LAMA3: variants seen among roughly 807,000 people sequenced by gnomAD.
LAMA3 encodes the protein laminin subunit alpha 3, also known as laminin subunit alpha-3.
LAMA3 carries 281 observed loss-of-function variants against 402.0 expected under a neutral mutation model. That is an observed-to-expected ratio of 0.70 (90% CI 0.63 to 0.77). The LOEUF is 0.77. LAMA3 is among the 30% of genes least tolerant of loss of function. LAMA3 has a pLI of 0.00. For synonymous variants in LAMA3, 1,431 were observed against 1,558.4 expected, an observed-to-expected ratio of 0.92 and a Z score of 1.93; for missense variants, 3,840 against 4,215.5, an observed-to-expected ratio of 0.91 and a Z score of 2.47.
chr18:23,938,923 G>A (rs2082397242), intron 67 of LAMA3, among the ~76,000 whole-genome samples: 1 of 152,128 alleles, frequency 6.6e-6, no homozygotes, highest in Non-Finnish European at 1.5e-5. Flanking sequence ...CTTCCTGGTG[G>A]CAAAATGCTC....
intron 70 of LAMA3, among the ~76,000 whole-genome samples, 179 bp from the exon 71 acceptor site, chr18:23,949,586 G>C (rs1268629795): frequency 6.6e-6 from 1 of 152,146 alleles, no homozygotes; most frequent in Non-Finnish European, 1.5e-5. Flanking sequence ...TCTGGGCAGA[G>C]AGCCAAATAG....
chr18:23,789,903 A>G (rs2062618029), intron 12 of LAMA3, among the ~76,000 whole-genome samples: 1 of 152,210 alleles, frequency 6.6e-6, no homozygotes, highest in Admixed American at 6.5e-5. Flanking sequence ...AAGAAGGGTT[A>G]TTCCTCCCCA....
At chr18:23,761,019 G>T (rs1041312623) in intron 7 of LAMA3, among the ~76,000 whole-genome samples, 3 of 152,120 alleles carry the variant, frequency 2.0e-5, no homozygotes, top group African/African-American at 7.2e-5. Flanking sequence ...CAAGCGTTCG[G>T]ACCATAGCAG....
chr18:23,709,665 C>A (rs891989244), intron 1 of LAMA3, among the ~76,000 whole-genome samples: 9 of 152,078 alleles, frequency 5.9e-5, no homozygotes, highest in African/African-American at 1.9e-4. Context: ...AATAAAGTGG[C>A]CTGTCCCAGT....
At chr18:23,751,111 T>A in intron 5 of LAMA3, 23 bp downstream of exon 5, 1 of 1,613,854 alleles carries the variant, frequency 6.2e-7, no homozygotes. Context: ...AGCATTTGTT[T>A]TGTTACTTTA....
chr18:23,696,805 A>G (rs867096667), intron 1 of LAMA3, among the ~76,000 whole-genome samples: 1 of 152,292 alleles, frequency 6.6e-6, no homozygotes, highest in Middle Eastern at 3.4e-3. Flanking sequence ...CTGATAGATG[A>G]ACTCTTTATT....
rs183887514 is a variant in LAMA3, at chr18:23,954,768, G to C, written c.*120G>C. 3 of 1,091,568 alleles carry C rather than the reference G, an allele frequency of 2.7e-6. No individual in the cohort carries two copies. The highest frequency in any genetic ancestry group is 3.5e-5 in the Admixed American group (2 of 57,470). 67.6% of individuals were successfully genotyped at this position (1,091,568 alleles called of 1,614,324 possible). ...ACACAAACCAGACAGGTTTAATAGC[G>C]AATCTAATTTTGAATTCTGACCATG... is the stretch of plus-strand genomic sequence containing the variant. On this transcript the variant is annotated 3_prime_UTR_variant, in exon 75 of 75. Transcript: ENST00000313654.
At chr18:23,716,438 C>T (rs1305771115) in intron 2 of LAMA3, among the ~76,000 whole-genome samples, 3 of 152,188 alleles carry the variant, frequency 2.0e-5, no homozygotes, top group African/African-American at 7.2e-5. Context: ...AGATTACAGG[C>T]GTAAGCCACC....
chr18:23,905,527 G>T lies in LAMA3; in HGVS notation c.6621G>T (p.Val2207=). ...ASASESALQT[V]IKEDLPRKAK... ...GTTAAATGCTTTGCTTTCAGACAGT[G>T]ATAAAGGAAGATCTGCCAAGAAAAG... Residue 2207 remains valine (V), a synonymous_variant, in exon 52 of 75, where the codon GTG becomes GTT. Coordinates refer to ENST00000313654, the MANE Select transcript of LAMA3 (RefSeq NM_198129.4). 1 of 1,586,696 alleles carries T rather than the reference G, an allele frequency of 6.3e-7. No individual in the cohort carries two copies. The highest frequency in any genetic ancestry group is 1.1e-5 in the South Asian group (1 of 90,414).
At chr18:23,778,130 G>C (rs867941816) in intron 11 of LAMA3, among the ~76,000 whole-genome samples, 37 of 152,216 alleles carry the variant, frequency 2.4e-4, no homozygotes, top group Middle Eastern at 3.2e-3. Context: ...AGCTTCTGCA[G>C]TCCCAAAACA....
chr18:23,874,699 C>T (rs949482033), intron 38 of LAMA3, among the ~76,000 whole-genome samples: 20 of 152,222 alleles, frequency 1.3e-4, no homozygotes, highest in African/African-American at 4.8e-4. Flanking sequence ...AATGGACTGT[C>T]TACTTCAAGA....
At chr18:23,789,097 A>C (rs2144059871) in intron 12 of LAMA3, among the ~76,000 whole-genome samples, 1 of 152,266 alleles carries the variant, frequency 6.6e-6, no homozygotes, top group South Asian at 2.1e-4. Flanking sequence ...GCTCAACATT[A>C]CCAGTCATTT....
At position 23,861,724 on chromosome 18, in the gene LAMA3, A is replaced by G. The variant is rs752328570; in HGVS notation, c.4501A>G (p.Ser1501Gly). The G allele has an allele frequency of 8.7e-6, 14 of 1,614,070 alleles. No homozygotes were observed. Among genetic ancestry groups the G allele is most frequent in the African/African-American group, 5.3e-5 (4 of 74,936 alleles). ...IPVSFNPGSN[S>G]MVADLQELPA... ...TGTCTCTTTCAACCCAGGCAGCAACAGTATGGTGGCGGATCTCCAGGAGCT... is the reference window on the plus strand; with the variant it reads ...TGTCTCTTTCAACCCAGGCAGCAACGGTATGGTGGCGGATCTCCAGGAGCT... The change falls in exon 35 of 75, where the codon AGT becomes GGT. Residue 1501 changes from serine (S) to glycine (G), a missense_variant. Transcript: ENST00000313654.
At chr18:23,922,950 A>G (rs765846324) in intron 62 of LAMA3, among the ~76,000 whole-genome samples, 7 of 152,208 alleles carry the variant, frequency 4.6e-5, no homozygotes, top group Non-Finnish European at 7.4e-5. Context: ...ACAGGAGAAC[A>G]TGACGTGTGC....
chr18:23,953,052 C>A lies in LAMA3; in HGVS notation c.9799C>A (p.Gln3267Lys). The change falls in exon 74 of 75, where the codon CAG becomes AAG. Residue 3267 changes from glutamine to lysine, a missense_variant. Physicochemically the swap from Gln to Lys is moderately conservative, Grantham distance 53. Around this residue, in one of 3 missense-constraint regions of LAMA3, gnomAD observed 840 missense variants for 981.9 expected, o/e 0.86. Coordinates refer to ENST00000313654, the MANE Select transcript of LAMA3 (RefSeq NM_198129.4). The stretch of plus-strand genomic sequence containing the variant: ...CACAGACAGTAGCTACACAGCTGGA[C>A]AGATCCCCTTCCCACCTGCCAGCAC... The part of the protein sequence containing the change: ...LDTDSSYTAG[Q>K]IPFPPASTQE... 6.2e-7 allele frequency: 1 copy of A among 1,614,202 alleles called. No homozygotes were observed. Among genetic ancestry groups the A allele is most frequent in the South Asian group, 1.1e-5 (1 of 91,080 alleles).
chr18:23,857,986 A>C lies in LAMA3; in HGVS notation c.4279A>C (p.Lys1427Gln), dbSNP rs970106570. The C allele has an allele frequency of 6.2e-7, 1 of 1,614,038 alleles. No homozygotes were observed. Among genetic ancestry groups the C allele is most frequent in the African/African-American group, 1.3e-5 (1 of 74,918 alleles). The stretch of plus-strand genomic sequence containing the variant: ...CCCAGGGACCGGGGCTTGCCTCTGC[A>C]AGGTAAGAGAGATCGTGCAATGCCA... ...CDPGTGACLC[K>Q]ENVEGTECNV... The change falls in exon 33 of 75, where the codon AAG becomes CAG. Residue 1427 changes from lysine (K) to glutamine (Q), a missense_variant and splice_region_variant. Transcript: ENST00000313654.
chr18:23,835,439 T>G (rs1284745985), intron 24 of LAMA3, among the ~76,000 whole-genome samples: 1 of 152,166 alleles, frequency 6.6e-6, no homozygotes, highest in Non-Finnish European at 1.5e-5. Flanking sequence ...ACCATGGGTG[T>G]TGTTTCATGA....
intron 30 of LAMA3, among the ~76,000 whole-genome samples, chr18:23,845,726 C>T (rs2063798843): frequency 6.6e-6 from 1 of 152,212 alleles, no homozygotes; most frequent in Non-Finnish European, 1.5e-5. Context: ...AGAGCAAAGG[C>T]TCTTAAGCAG....
At chr18:23,739,865 A>G (rs2061534251) in intron 2 of LAMA3, among the ~76,000 whole-genome samples, 2 of 152,256 alleles carry the variant, frequency 1.3e-5, no homozygotes, top group Non-Finnish European at 2.9e-5. Flanking sequence ...AAAAATATAA[A>G]TAGATTGAAG....
Sources: allele counts gnomAD v4.1 joint callset (sites outside exome capture counted in the v4.1 genomes callset), GRCh38; gene constraint gnomAD v4.1.1; regional missense constraint gnomAD v4.1.1; transcripts MANE v1.5; gene names NCBI Gene and HGNC (gene_info 2026-07-23, HGNC 2026-07-21).